Variants in GLRA1 observed in about 807,000 individuals in gnomAD.
The protein encoded by GLRA1 is glycine receptor subunit alpha-1.
GLRA1 carries 37 observed loss-of-function variants against 48.3 expected under a neutral mutation model. The ratio of observed to expected loss-of-function variants is 0.77; its 90% CI spans 0.59 to 1.01. The LOEUF is 1.01. Ranked by LOEUF, GLRA1 falls within the 50% of genes least tolerant of loss-of-function variation. The pLI is 0.00. For synonymous variants in GLRA1, 196 were observed against 210.7 expected (o/e 0.93, Z 0.60); for missense variants, 427 against 571.0 (o/e 0.75, Z 2.57).
chr5:151,824,329 C>T (rs1034147843), intron 8 of GLRA1, among the ~76,000 whole-genome samples: 3 of 151,814 alleles, frequency 2.0e-5, no homozygotes, highest in African/African-American at 7.3e-5. Context: ...CTGCCCCCAC[C>T]ACCCAACCCA....
chr5:151,864,134 T>C (rs1753273538), intron 3 of GLRA1, among the ~76,000 whole-genome samples: 1 of 122,266 alleles, frequency 8.2e-6, no homozygotes, highest in South Asian at 3.0e-4. Context: ...TTGCGTGAAG[T>C]GTGCATGTGT....
chr5:151,848,850 C>T (rs974203133), intron 7 of GLRA1: 62 of 576,534 alleles, frequency 1.1e-4, no homozygotes, highest in Middle Eastern at 4.5e-4. Context: ...TACCTTTACC[C>T]GCCCGCCTGC....
At chr5:151,869,481 A>G (rs949528906) in intron 3 of GLRA1, among the ~76,000 whole-genome samples, 13 of 148,980 alleles carry the variant, frequency 8.7e-5, no homozygotes, top group African/African-American at 1.5e-4. Context: ...TGGGAGGCCA[A>G]CGTGGGTAGA....
At chr5:151,917,019 G>A (rs1216317136) in intron 1 of GLRA1, among the ~76,000 whole-genome samples, 5 of 152,202 alleles carry the variant, frequency 3.3e-5, no homozygotes, top group Admixed American at 6.5e-5. Context: ...CTCTAGAGAC[G>A]ATATGTAGTG....
At chr5:151,850,650 C>G in intron 7 of GLRA1, 1 of 1,394,148 alleles carries the variant, frequency 7.2e-7, no homozygotes, top group Non-Finnish European at 1.0e-6. Context: ...ATACACATTC[C>G]CTGGACTGTT....
intron 6 of GLRA1, among the ~76,000 whole-genome samples, chr5:151,853,255 T>C (rs1271780662): frequency 6.6e-6 from 1 of 152,152 alleles, no homozygotes; most frequent in African/African-American, 2.4e-5. Flanking sequence ...CTTATTTTTT[T>C]TTCTTTTTTG....
At chr5:151,883,458 C>T (rs1753817308) in intron 3 of GLRA1, among the ~76,000 whole-genome samples, 1 of 152,124 alleles carries the variant, frequency 6.6e-6, no homozygotes, top group African/African-American at 2.4e-5. Flanking sequence ...AGAACTGGAT[C>T]TTAATCCTTG....
chr5:151,838,296 C>T (rs1433629594), intron 7 of GLRA1, among the ~76,000 whole-genome samples: 2 of 151,946 alleles, frequency 1.3e-5, no homozygotes, highest in Non-Finnish European at 2.9e-5. Context: ...GGTGAAACCT[C>T]GTCTCTACTA....
intron 1 of GLRA1, among the ~76,000 whole-genome samples, chr5:151,917,962 G>T (rs1754779266): frequency 6.6e-6 from 1 of 152,212 alleles, no homozygotes; most frequent in Non-Finnish European, 1.5e-5. Context: ...ATTGTCGGCA[G>T]CTCCCTGTTA....
chr5:151,853,663 A>G (rs1390093477), intron 6 of GLRA1, among the ~76,000 whole-genome samples: 1 of 151,918 alleles, frequency 6.6e-6, no homozygotes, highest in Admixed American at 6.6e-5. Flanking sequence ...TGGGTTCTTT[A>G]TCTTCACTAT....
chr5:151,906,348 C>T (rs946704087), intron 1 of GLRA1, among the ~76,000 whole-genome samples: 2 of 152,122 alleles, frequency 1.3e-5, no homozygotes, highest in Non-Finnish European at 2.9e-5. Context: ...TAGAAAAATC[C>T]GAAGACTGAA....
intron 1 of GLRA1, among the ~76,000 whole-genome samples, chr5:151,900,135 C>A (rs1172181396): frequency 6.6e-6 from 1 of 152,134 alleles, no homozygotes; most frequent in East Asian, 1.9e-4. Flanking sequence ...TGTATCCCCA[C>A]AAAGTAGGGC....
At chr5:151,887,020 G>A (rs896569136) in intron 2 of GLRA1, among the ~76,000 whole-genome samples, 2 of 152,184 alleles carry the variant, frequency 1.3e-5, no homozygotes, top group African/African-American at 4.8e-5. Context: ...CAGAGGCTGA[G>A]CTGAGATGTA....
intron 1 of GLRA1, among the ~76,000 whole-genome samples, chr5:151,893,666 A>G (rs1044231888): frequency 1.3e-5 from 2 of 152,054 alleles, no homozygotes; most frequent in African/African-American, 4.8e-5. Context: ...AGCTTCATCC[A>G]TGTCCCTGCA....
At chr5:151,906,382 C>T (rs937261493) in intron 1 of GLRA1, among the ~76,000 whole-genome samples, 4 of 152,136 alleles carry the variant, frequency 2.6e-5, no homozygotes, top group African/African-American at 9.7e-5. Flanking sequence ...CAGGAAATAC[C>T]GGATGTGGGC....
chr5:151,844,261 A>G (rs568386936), intron 7 of GLRA1, among the ~76,000 whole-genome samples: 1 of 152,270 alleles, frequency 6.6e-6, no homozygotes, highest in South Asian at 2.1e-4. Flanking sequence ...GAGATAAACT[A>G]TGAAACTCTT....
At chr5:151,871,844 G>A (rs1327686960) in intron 3 of GLRA1, among the ~76,000 whole-genome samples, 3 of 149,948 alleles carry the variant, frequency 2.0e-5, no homozygotes, top group Admixed American at 6.6e-5. Context: ...GATTACAGGC[G>A]TGAACCACCG....
chr5:151,923,196 G>A (rs1447052016), intron 1 of GLRA1, among the ~76,000 whole-genome samples: 2 of 152,200 alleles, frequency 1.3e-5, no homozygotes, highest in African/African-American at 4.8e-5. Flanking sequence ...TCTCAGATAA[G>A]GGGGGATGCC....
chr5:151,833,302 T>C (rs1394384708), intron 7 of GLRA1, among the ~76,000 whole-genome samples: 1 of 152,066 alleles, frequency 6.6e-6, no homozygotes, highest in Non-Finnish European at 1.5e-5. Flanking sequence ...CATAACAATA[T>C]TAATCTTAAA....
Sources: allele counts gnomAD v4.1 joint callset (sites outside exome capture counted in the v4.1 genomes callset), GRCh38; gene constraint gnomAD v4.1.1; transcripts MANE v1.5; gene names NCBI Gene and HGNC (gene_info 2026-07-23, HGNC 2026-07-21).